Variants in CHCHD3 observed in about 807,000 individuals in gnomAD.
CHCHD3 encodes MICOS complex subunit MIC19.
Under a neutral mutation model 38.2 loss-of-function variants are expected in CHCHD3, and 20 were observed. The ratio of observed to expected loss-of-function variants is 0.52; its 90% confidence interval spans 0.37 to 0.76. CHCHD3 has a LOEUF of 0.76. CHCHD3 is among the 30% of genes least tolerant of loss of function. The pLI, the probability that CHCHD3 is intolerant of heterozygous loss-of-function variation, is 0.00. For missense variants in CHCHD3, 245 were observed against 279.2 expected (o/e 0.88, Z 0.87); for synonymous variants, 82 against 100.0 (o/e 0.82, Z 1.07).
intron 5 of CHCHD3, among the ~76,000 whole-genome samples, chr7:132,843,220 G>T (rs918219836): frequency 6.6e-6 from 1 of 151,936 alleles, no homozygotes; most frequent in Non-Finnish European, 1.5e-5. Flanking sequence ...TGTTGTGAGC[G>T]CTTGGTTCAA....
intron 3 of CHCHD3, among the ~76,000 whole-genome samples, chr7:132,983,428 G>A (rs1204254631): frequency 3.3e-5 from 5 of 152,192 alleles, no homozygotes; most frequent in African/African-American, 9.6e-5. Context: ...GCAGTATTAA[G>A]TCATAACTGC....
chr7:132,892,010 C>T (rs1018895897), intron 4 of CHCHD3, among the ~76,000 whole-genome samples: 5 of 152,146 alleles, frequency 3.3e-5, no homozygotes, highest in Non-Finnish European at 7.3e-5. Context: ...AAATTAACTA[C>T]TCTTGGGTAG....
intron 6 of CHCHD3, among the ~76,000 whole-genome samples, chr7:132,797,180 G>T (rs1806641393): frequency 6.6e-6 from 1 of 152,134 alleles, no homozygotes; most frequent in African/African-American, 2.4e-5. Flanking sequence ...CCTACTCTGT[G>T]GCCTTCACCC....
rs138213006 is a variant in CHCHD3 at position 132,955,173 on chromosome 7, G to GGGGTGTGTGTGTGTGTGTGTGT, written c.369+19995_369+19996insACACACACACACACACACACCC. 2.1e-3 allele frequency among the ~76,000 whole-genome samples: 264 copies of GGGGTGTGTGTGTGTGTGTGTGT among 126,284 alleles called. 1 individual carries two copies. Among genetic ancestry groups the GGGGTGTGTGTGTGTGTGTGTGT allele is most frequent in the Middle Eastern group, 3.9e-3 (1 of 254 alleles). 82.8% of individuals were successfully genotyped at this position (126,284 alleles called of 152,430 possible). A position where few individuals can be genotyped will look rare whatever the true frequency, so the allele number is the denominator to read the frequency against. On this transcript the variant is annotated intron_variant, in intron 4 of 7. Coordinates refer to ENST00000262570, the MANE Select transcript of CHCHD3 (RefSeq NM_017812.4). Reference sequence around the variant, plus strand: ...AGAAAGGAGGCTTTTTCCCTCAGAGGGTGTGTGTGTGTGTGTGTGTGTGTG... The same window carrying GGGGTGTGTGTGTGTGTGTGTGT: ...AGAAAGGAGGCTTTTTCCCTCAGAGGGGGTGTGTGTGTGTGTGTGTGTGTGTGTGTGTGTGTGTGTGTGTGTG...
At chr7:133,061,640 G>A (rs1814518722) in intron 2 of CHCHD3, among the ~76,000 whole-genome samples, 1 of 152,136 alleles carries the variant, frequency 6.6e-6, no homozygotes, top group Non-Finnish European at 1.5e-5. Context: ...TCTGTCAGAT[G>A]TTTCAAACAC....
rs142515872 is a variant in CHCHD3, at chr7:133,032,977, T to C, written c.170-8350A>G. 9.8e-5 allele frequency among the ~76,000 whole-genome samples: 15 copies of C among 152,320 alleles called. No homozygotes were observed. In the East Asian group the frequency reaches 2.9e-3, roughly 29 times the overall value. On this transcript the variant is annotated intron_variant, in intron 2 of 7. Coordinates refer to ENST00000262570, the MANE Select transcript of CHCHD3 (RefSeq NM_017812.4). Reference sequence around the variant, plus strand: ...CAGAAACCACCCAAGCTCTTTTCCATTTCACGCAAATGGTCCTGTGTGACC... The same window carrying C: ...CAGAAACCACCCAAGCTCTTTTCCACTTCACGCAAATGGTCCTGTGTGACC...
intron 4 of CHCHD3, among the ~76,000 whole-genome samples, chr7:132,945,175 C>T (rs1810865674): frequency 6.6e-6 from 1 of 151,758 alleles, no homozygotes; most frequent in Non-Finnish European, 1.5e-5. Flanking sequence ...AATGAGAGTG[C>T]TTTTTTAAAA....
intron 4 of CHCHD3, among the ~76,000 whole-genome samples, chr7:132,954,546 C>T (rs568800814): frequency 6.6e-6 from 1 of 152,212 alleles, no homozygotes; most frequent in East Asian, 1.9e-4. Context: ...GAGGTGAAGG[C>T]ATGTGACAAT....
At chr7:132,923,260 C>A (rs1810302230) in intron 4 of CHCHD3, among the ~76,000 whole-genome samples, 2 of 152,076 alleles carry the variant, frequency 1.3e-5, no homozygotes. Flanking sequence ...TAGTCCTTTT[C>A]CGAAAGTTGG....
chr7:132,844,248 A>G (rs1462170343), intron 5 of CHCHD3, among the ~76,000 whole-genome samples: 2 of 152,236 alleles, frequency 1.3e-5, no homozygotes, highest in African/African-American at 4.8e-5. Flanking sequence ...CAGTGAGCCA[A>G]GATTGTGCCA....
intron 3 of CHCHD3, among the ~76,000 whole-genome samples, chr7:132,984,601 C>T (rs1269183168): frequency 1.3e-4 from 19 of 148,790 alleles, no homozygotes; most frequent in African/African-American, 4.7e-4. Flanking sequence ...CGGCCGCCAT[C>T]CCATCTAGGA....
At chr7:132,993,191 T>C (rs1812328807) in intron 3 of CHCHD3, among the ~76,000 whole-genome samples, 2 of 152,218 alleles carry the variant, frequency 1.3e-5, no homozygotes, top group Non-Finnish European at 2.9e-5. Flanking sequence ...CATCAGTGCC[T>C]CCTAGAATAA....
At chr7:132,930,070 T>C (rs1372412532) in intron 4 of CHCHD3, among the ~76,000 whole-genome samples, 2 of 152,114 alleles carry the variant, frequency 1.3e-5, no homozygotes, top group Non-Finnish European at 2.9e-5. Flanking sequence ...ACAGAAATCT[T>C]AAACAGAAAT....
intron 3 of CHCHD3, among the ~76,000 whole-genome samples, chr7:133,016,376 T>G (rs1813030563): frequency 6.6e-6 from 1 of 152,180 alleles, no homozygotes; most frequent in Non-Finnish European, 1.5e-5. Context: ...AGATTATATG[T>G]GACTCCAGTG....
intron 5 of CHCHD3, among the ~76,000 whole-genome samples, chr7:132,846,278 A>C (rs1808074106): frequency 6.6e-6 from 1 of 152,198 alleles, no homozygotes; most frequent in African/African-American, 2.4e-5. Flanking sequence ...GGGCCATGTC[A>C]ATCACCCCAG....
intron 4 of CHCHD3, among the ~76,000 whole-genome samples, chr7:132,958,093 C>T (rs1333582619): frequency 6.6e-6 from 1 of 152,150 alleles, no homozygotes; most frequent in Non-Finnish European, 1.5e-5. Context: ...TAAATCATAA[C>T]AGGATGGCTA....
chr7:132,973,913 C>T, intron 4 of CHCHD3: 1 of 1,250,034 alleles, frequency 8.0e-7, no homozygotes, highest in Middle Eastern at 2.2e-4. Flanking sequence ...CCCAACTGTG[C>T]TCCAATGAGG....
chr7:132,896,316 C>T (rs903818607), intron 4 of CHCHD3, among the ~76,000 whole-genome samples: 6 of 152,176 alleles, frequency 3.9e-5, no homozygotes, highest in African/African-American at 1.2e-4. Context: ...ATTCCATTGA[C>T]ACAAACTGGT....
intron 2 of CHCHD3, among the ~76,000 whole-genome samples, chr7:133,033,293 G>T (rs1813551295): frequency 6.6e-6 from 1 of 152,118 alleles, no homozygotes; most frequent in Non-Finnish European, 1.5e-5. Context: ...TAGGTTTTCA[G>T]CTCCATGAAT....
Sources: allele counts gnomAD v4.1 joint callset (sites outside exome capture counted in the v4.1 genomes callset), GRCh38; gene constraint gnomAD v4.1.1; transcripts MANE v1.5; gene names NCBI Gene and HGNC (gene_info 2026-07-23, HGNC 2026-07-21).